Variants in AGBL4 observed in about 807,000 individuals in gnomAD.
AGBL4 encodes cytosolic carboxypeptidase 6.
In AGBL4, 58 loss-of-function variants were observed where a neutral mutation model predicts 66.4. That is an observed-to-expected ratio of 0.87 (90% CI 0.71 to 1.09). AGBL4 has a LOEUF of 1.09. Ranked by LOEUF, AGBL4 falls within the 50% of genes least tolerant of loss-of-function variation. AGBL4 has a pLI of 0.00. For missense variants in AGBL4, 579 were observed against 631.0 expected (o/e 0.92, Z 0.88); for synonymous variants, 234 against 222.9 (o/e 1.05, Z -0.44).
intron 4 of AGBL4, among the ~76,000 whole-genome samples, chr1:49,076,107 ATTG>A (rs1331012162): frequency 6.6e-6 from 1 of 152,162 alleles, no homozygotes; most frequent in Non-Finnish European, 1.5e-5. Flanking sequence ...TTTCAATGGA[ATTG>A]TTGCTACTGC....
chr1:49,225,245 A>G (rs529170130), intron 4 of AGBL4, among the ~76,000 whole-genome samples: 1 of 152,350 alleles, frequency 6.6e-6, no homozygotes, highest in East Asian at 1.9e-4. Flanking sequence ...CCACTAGACT[A>G]TAACTTTCTC....
intron 1 of AGBL4, among the ~76,000 whole-genome samples, chr1:49,883,431 C>A (rs889798999): frequency 1.1e-4 from 16 of 152,070 alleles, no homozygotes; most frequent in Non-Finnish European, 1.8e-4. Flanking sequence ...ATTGTTTATA[C>A]CTTTCTTACA....
chr1:48,754,279 C>T (rs1023032637), intron 6 of AGBL4, among the ~76,000 whole-genome samples: 6 of 152,186 alleles, frequency 3.9e-5, no homozygotes, highest in South Asian at 4.1e-4. Context: ...CTCTATTGTT[C>T]TGCTTCCCTT....
rs189580489 is a variant in AGBL4 at position 49,156,431 on chromosome 1, T to C, written c.377+89339A>G. 9.2e-5 allele frequency among the ~76,000 whole-genome samples: 14 copies of C among 152,306 alleles called. No homozygotes were observed. The East Asian group carries it at 2.5e-3, about 27-fold the overall frequency. On this transcript the variant is annotated intron_variant, in intron 4 of 13. Coordinates refer to ENST00000371839, the MANE Select transcript of AGBL4 (RefSeq NM_032785.4). ...AGCAAACATTTATTATCTCTCACAG[T>C]GTCTGAGAATGAGGAATCTGGGAGT...
At chr1:49,363,842 A>G (rs1644189527) in intron 3 of AGBL4, among the ~76,000 whole-genome samples, 1 of 152,212 alleles carries the variant, frequency 6.6e-6, no homozygotes. Context: ...TACTAGGGAT[A>G]AAGAGATGAG....
chr1:48,659,966 A>T (rs1646081297), intron 7 of AGBL4, among the ~76,000 whole-genome samples: 1 of 152,236 alleles, frequency 6.6e-6, no homozygotes, highest in African/African-American at 2.4e-5. Flanking sequence ...GAACTGCGGC[A>T]TAAGGAGATT....
chr1:49,389,557 C>G (rs561676264), intron 3 of AGBL4, among the ~76,000 whole-genome samples: 1 of 152,268 alleles, frequency 6.6e-6, no homozygotes, highest in Non-Finnish European at 1.5e-5. Context: ...CCTGTCCTCT[C>G]AAGCCCCTTC....
intron 2 of AGBL4, among the ~76,000 whole-genome samples, chr1:49,699,378 C>A (rs1208360200): frequency 1.3e-5 from 2 of 151,940 alleles, no homozygotes; most frequent in Non-Finnish European, 2.9e-5. Flanking sequence ...CAGTTTATGG[C>A]CTTCTGGAAA....
chr1:48,950,108 T>A (rs1000677076), intron 5 of AGBL4, among the ~76,000 whole-genome samples: 2 of 152,214 alleles, frequency 1.3e-5, no homozygotes, highest in Non-Finnish European at 2.9e-5. Context: ...ATTTATTTAT[T>A]TATTTTTGAG....
intron 2 of AGBL4, among the ~76,000 whole-genome samples, chr1:49,796,503 T>G (rs1644733393): frequency 6.6e-6 from 1 of 151,394 alleles, no homozygotes; most frequent in Non-Finnish European, 1.5e-5. Flanking sequence ...ACTATTAAAT[T>G]TATAATTTAA....
intron 1 of AGBL4, among the ~76,000 whole-genome samples, chr1:49,863,244 T>A (rs1057090159): frequency 2.6e-5 from 4 of 152,086 alleles, no homozygotes; most frequent in African/African-American, 9.7e-5. Context: ...ATATGGAAAA[T>A]GAATCTAGAC....
chr1:48,904,033 C>T (rs1046850984), intron 5 of AGBL4, among the ~76,000 whole-genome samples: 1 of 152,158 alleles, frequency 6.6e-6, no homozygotes, highest in Non-Finnish European at 1.5e-5. Context: ...AATCCCAGCA[C>T]TTTGGGAGGC....
At chr1:49,943,211 T>C (rs1038005517) in intron 1 of AGBL4, among the ~76,000 whole-genome samples, 2 of 152,110 alleles carry the variant, frequency 1.3e-5, no homozygotes, top group African/African-American at 2.4e-5. Flanking sequence ...TTGTGCACAC[T>C]GTTGGGAATG....
chr1:49,307,615 T>C (rs1164442267), intron 3 of AGBL4, among the ~76,000 whole-genome samples: 2 of 152,186 alleles, frequency 1.3e-5, no homozygotes, highest in Non-Finnish European at 2.9e-5. Context: ...AAATGCCTAC[T>C]AGTGCTAGTC....
At chr1:48,752,062 C>T (rs960975381) in intron 6 of AGBL4, among the ~76,000 whole-genome samples, 1 of 152,168 alleles carries the variant, frequency 6.6e-6, no homozygotes, top group Admixed American at 6.5e-5. Context: ...CAGGATACAA[C>T]AGTTTTTGAA....
chr1:48,647,765 G>A (rs1009863795), intron 8 of AGBL4, among the ~76,000 whole-genome samples: 3 of 152,168 alleles, frequency 2.0e-5, no homozygotes, highest in East Asian at 1.9e-4. Flanking sequence ...AAGAAGTGAC[G>A]AGGAAGGAGC....
At chr1:49,762,834 C>T (rs983952424) in intron 2 of AGBL4, among the ~76,000 whole-genome samples, 1 of 152,150 alleles carries the variant, frequency 6.6e-6, no homozygotes, top group African/African-American at 2.4e-5. Flanking sequence ...TGTAAGTTAT[C>T]TTTTCACTTT....
intron 6 of AGBL4, among the ~76,000 whole-genome samples, chr1:48,693,896 G>A (rs914776944): frequency 3.3e-5 from 5 of 152,018 alleles, no homozygotes; most frequent in African/African-American, 4.8e-5. Flanking sequence ...AGGGGGCCAC[G>A]GAATTGCGAG....
At chr1:48,805,631 A>G (rs2148749621) in intron 6 of AGBL4, among the ~76,000 whole-genome samples, 1 of 152,308 alleles carries the variant, frequency 6.6e-6, no homozygotes, top group South Asian at 2.1e-4. Context: ...CCCAGGATGC[A>G]GACAACTGTG....
Sources: gnomAD v4.1 joint callset for allele counts (sites outside exome capture counted in the v4.1 genomes callset) on GRCh38, gnomAD v4.1.1 for gene constraint, MANE v1.5 for transcripts, NCBI Gene and HGNC (gene_info 2026-07-23, HGNC 2026-07-21) for gene names.